Variants in BRINP3 observed in about 807,000 individuals in gnomAD.
BRINP3 encodes the protein BMP/retinoic acid inducible neural specific 3, also known as BMP/retinoic acid-inducible neural-specific protein 3.
A neutral mutation model predicts 71.0 loss-of-function variants in BRINP3; 19 were observed. That is an observed-to-expected ratio of 0.27 (90% CI 0.19 to 0.39). The LOEUF (loss-of-function observed/expected upper bound fraction) is 0.39, where lower values mean the gene tolerates loss of function less well. Among genes scored for constraint, BRINP3 ranks in the 10% least tolerant of loss-of-function variants. BRINP3 has a pLI of 1.00. For synonymous variants in BRINP3, 380 were observed against 337.7 expected, an observed-to-expected ratio of 1.13 and a Z score of -1.37; for missense variants, 959 against 940.8, an observed-to-expected ratio of 1.02 and a Z score of -0.25.
At chr1:190,364,301 A>G (rs1669345867) in intron 2 of BRINP3, among the ~76,000 whole-genome samples, 1 of 152,144 alleles carries the variant, frequency 6.6e-6, no homozygotes, top group Non-Finnish European at 1.5e-5. Context: ...TGTATCAGGA[A>G]TCTACCCTTG....
At chr1:190,355,253 C>T (rs896459263) in intron 2 of BRINP3, among the ~76,000 whole-genome samples, 1 of 151,792 alleles carries the variant, frequency 6.6e-6, no homozygotes, top group Non-Finnish European at 1.5e-5. Context: ...AATAATACAA[C>T]CTTTGGATCT....
intron 2 of BRINP3, among the ~76,000 whole-genome samples, chr1:190,349,671 A>C (rs1174211164): frequency 6.6e-6 from 1 of 152,150 alleles, no homozygotes; most frequent in Admixed American, 6.6e-5. Flanking sequence ...AACACTTTGC[A>C]TTCTTCACAT....
At chr1:190,430,242 C>CT (rs1465957813) in intron 2 of BRINP3, among the ~76,000 whole-genome samples, 1 of 152,124 alleles carries the variant, frequency 6.6e-6, no homozygotes, top group Non-Finnish European at 1.5e-5. Flanking sequence ...TCATTAGGCA[C>CT]TTTGCCAGCA....
chr1:190,452,217 C>T (rs1675657214), intron 2 of BRINP3, among the ~76,000 whole-genome samples: 1 of 152,082 alleles, frequency 6.6e-6, no homozygotes, highest in African/African-American at 2.4e-5. Context: ...ACTTGCTTTA[C>T]TAAAACTAAA....
chr1:190,111,331 T>C (rs772598125), intron 7 of BRINP3, among the ~76,000 whole-genome samples: 3 of 151,930 alleles, frequency 2.0e-5, no homozygotes, highest in Non-Finnish European at 4.4e-5. Flanking sequence ...GTCATCTTTA[T>C]ATATATTGAA....
intron 1 of BRINP3, among the ~76,000 whole-genome samples, chr1:190,460,114 G>C (rs748171692): frequency 6.6e-6 from 1 of 151,588 alleles, no homozygotes; most frequent in East Asian, 1.9e-4. Context: ...TAATACTGAA[G>C]CTTATAAATG....
chr1:190,222,789 TC>T (rs1657009718), intron 6 of BRINP3, among the ~76,000 whole-genome samples: 1 of 151,322 alleles, frequency 6.6e-6, no homozygotes, highest in Non-Finnish European at 1.5e-5. Context: ...AAATTCTTTG[TC>T]TAAGAAAAAA....
At chr1:190,283,623 T>C (rs1316488752) in intron 2 of BRINP3, among the ~76,000 whole-genome samples, 1 of 148,942 alleles carries the variant, frequency 6.7e-6, no homozygotes, top group Non-Finnish European at 1.5e-5. Flanking sequence ...ATAATGTATG[T>C]ATATGTATAA....
intron 6 of BRINP3, among the ~76,000 whole-genome samples, chr1:190,168,960 A>G (rs1651789507): frequency 6.6e-6 from 1 of 152,192 alleles, no homozygotes; most frequent in South Asian, 2.1e-4. Flanking sequence ...TACAAGAGTT[A>G]AAGATTCTCA....
chr1:190,147,157 C>T (rs1265652466), intron 7 of BRINP3, among the ~76,000 whole-genome samples: 1 of 151,872 alleles, frequency 6.6e-6, no homozygotes, highest in African/African-American at 2.4e-5. Context: ...AAATTATATT[C>T]TATGGGGCTT....
intron 3 of BRINP3, among the ~76,000 whole-genome samples, chr1:190,268,214 TA>T (rs1661817052): frequency 6.6e-6 from 1 of 152,136 alleles, no homozygotes; most frequent in African/African-American, 2.4e-5. Flanking sequence ...TATGAATAAT[TA>T]TAACTATTTA....
rs376555411 is a variant in BRINP3, at chr1:190,407,411, A to G, written c.236+47244T>C. The stretch of plus-strand genomic sequence containing the variant: ...TCCAGTTTACCACCTTACATAATAG[A>G]TCATCAACTCCACCTCAGTATACAT... On this transcript the variant is annotated intron_variant, in intron 2 of 7. Coordinates refer to ENST00000367462, the MANE Select transcript of BRINP3 (RefSeq NM_199051.3). 2.7e-4 allele frequency among the ~76,000 whole-genome samples: 41 copies of G among 152,254 alleles called. No individual in the cohort carries two copies. The East Asian group carries it at 6.8e-3, about 25-fold the overall frequency.
chr1:190,245,152 C>T (rs1384310848), intron 4 of BRINP3, among the ~76,000 whole-genome samples: 3 of 151,890 alleles, frequency 2.0e-5, no homozygotes, highest in Non-Finnish European at 4.4e-5. Flanking sequence ...GCGCAGCACA[C>T]TAAAACTCAA....
chr1:190,270,688 T>G (rs986537134), intron 3 of BRINP3, among the ~76,000 whole-genome samples: 1 of 151,724 alleles, frequency 6.6e-6, no homozygotes, highest in Non-Finnish European at 1.5e-5. Context: ...TATTCATAAC[T>G]CCTGTTCTAC....
intron 6 of BRINP3, among the ~76,000 whole-genome samples, chr1:190,200,396 A>G (rs1558058409): frequency 6.6e-6 from 1 of 152,158 alleles, no homozygotes; most frequent in African/African-American, 2.4e-5. Flanking sequence ...ATGAACCAAT[A>G]GATCTTAGAG....
At chr1:190,371,942 T>C (rs529100602) in intron 2 of BRINP3, among the ~76,000 whole-genome samples, 1 of 152,218 alleles carries the variant, frequency 6.6e-6, no homozygotes, top group East Asian at 1.9e-4. Flanking sequence ...TGACATAAGC[T>C]TCAGGGGCTT....
At chr1:190,143,992 C>T (rs1469451240) in intron 7 of BRINP3, among the ~76,000 whole-genome samples, 1 of 152,014 alleles carries the variant, frequency 6.6e-6, no homozygotes. Flanking sequence ...GTCTGGTTGG[C>T]TTGTTTGGAT....
chr1:190,412,620 G>A lies in BRINP3; in HGVS notation c.236+42035C>T, dbSNP rs570734837. Among the ~76,000 whole-genome samples, 67 of 150,030 alleles carry A rather than the reference G, an allele frequency of 4.5e-4. 1 individual carries two copies. The highest frequency in any genetic ancestry group is 1.5e-3 in the African/African-American group (62 of 41,048). On this transcript the variant is annotated intron_variant, in intron 2 of 7. Coordinates refer to ENST00000367462, the MANE Select transcript of BRINP3 (RefSeq NM_199051.3). ...TGGGACTACAGGTGCCCGCCACTAC[G>A]CCCGGCTAATTTTTTGTATTTTTAG...
chr1:190,362,836 G>A (rs1669236271), intron 2 of BRINP3, among the ~76,000 whole-genome samples: 1 of 152,166 alleles, frequency 6.6e-6, no homozygotes, highest in Non-Finnish European at 1.5e-5. Flanking sequence ...ACGTGGAACT[G>A]TGAGTCCATT....
Sources: allele counts gnomAD v4.1 joint callset (sites outside exome capture counted in the v4.1 genomes callset), GRCh38; gene constraint gnomAD v4.1.1; transcripts MANE v1.5; gene names NCBI Gene and HGNC (gene_info 2026-07-23, HGNC 2026-07-21).